The following CEP170 variants were observed in gnomAD, a reference collection of about 807,000 sequenced individuals.
CEP170 encodes the protein centrosomal protein of 170 kDa.
In CEP170, 21 loss-of-function variants were observed where a neutral mutation model predicts 151.9. The ratio of observed to expected loss-of-function variants is 0.14; its 90% CI spans 0.10 to 0.20. The LOEUF is 0.20. Ranked by LOEUF, CEP170 falls within the 10% of genes least tolerant of loss-of-function variation. CEP170 has a pLI of 1.00. For synonymous variants in CEP170, 356 were observed against 648.8 expected, an observed-to-expected ratio of 0.55 and a Z score of 6.86; for missense variants, 964 against 1,892.9, an observed-to-expected ratio of 0.51 and a Z score of 9.11.
At chr1:243,131,125 T>C (rs1011982323) in intron 17 of CEP170, among the ~76,000 whole-genome samples, 9 of 151,954 alleles carry the variant, frequency 5.9e-5, no homozygotes, top group Admixed American at 1.3e-4. Context: ...TCACCTTTGG[T>C]GAAAATGGGT....
chr1:243,139,422 T>G (rs572456700), intron 16 of CEP170, among the ~76,000 whole-genome samples: 4 of 152,254 alleles, frequency 2.6e-5, no homozygotes, highest in Admixed American at 6.5e-5. Context: ...TTTAATTGAT[T>G]GGAGGGAGTT....
At chr1:243,143,067 C>T (rs192132754) in intron 14 of CEP170, among the ~76,000 whole-genome samples, 25 of 152,170 alleles carry the variant, frequency 1.6e-4, no homozygotes, top group Non-Finnish European at 3.4e-4. Flanking sequence ...CCATAAATTA[C>T]TCTTACTTTC....
intron 4 of CEP170, among the ~76,000 whole-genome samples, chr1:243,202,811 G>T (rs2061144230): frequency 6.6e-6 from 1 of 151,932 alleles, no homozygotes; most frequent in Non-Finnish European, 1.5e-5. Flanking sequence ...ATGAAAAAAG[G>T]CATTAAAAAT....
chr1:243,206,556 T>A (rs2061433631), intron 4 of CEP170, among the ~76,000 whole-genome samples: 2 of 152,242 alleles, frequency 1.3e-5, no homozygotes, highest in South Asian at 4.1e-4. Context: ...AGAAACAAAC[T>A]GACATTATGT....
intron 1 of CEP170, among the ~76,000 whole-genome samples, chr1:243,233,150 A>C (rs1188994122): frequency 6.6e-6 from 1 of 152,160 alleles, no homozygotes; most frequent in African/African-American, 2.4e-5. Flanking sequence ...AATCTGAGAA[A>C]AGTTGAAAGC....
At chr1:243,196,766 T>C (rs756697970) in intron 7 of CEP170, among the ~76,000 whole-genome samples, 12 of 152,134 alleles carry the variant, frequency 7.9e-5, no homozygotes, top group Non-Finnish European at 1.6e-4. Flanking sequence ...GAATAAGACA[T>C]GTATAGTTTA....
chr1:243,144,211 A>T (rs1326059393), intron 14 of CEP170, among the ~76,000 whole-genome samples: 2 of 152,220 alleles, frequency 1.3e-5, no homozygotes, highest in African/African-American at 2.4e-5. Flanking sequence ...AGTACATTAT[A>T]AAGCAGCTTC....
intron 10 of CEP170, among the ~76,000 whole-genome samples, chr1:243,177,638 A>G (rs1487490317): frequency 6.6e-6 from 1 of 152,248 alleles, no homozygotes; most frequent in African/African-American, 2.4e-5. Flanking sequence ...ATTATGCAGA[A>G]TTCTAGCCAC....
At chr1:243,187,640 G>A (rs1354566298) in intron 8 of CEP170, among the ~76,000 whole-genome samples, 2 of 152,120 alleles carry the variant, frequency 1.3e-5, no homozygotes, top group African/African-American at 2.4e-5. Context: ...GATCAGACAC[G>A]AAAGACTTGG....
At chr1:243,223,101 T>A (rs1395730496) in intron 2 of CEP170, among the ~76,000 whole-genome samples, 1 of 152,230 alleles carries the variant, frequency 6.6e-6, no homozygotes, top group Non-Finnish European at 1.5e-5. Flanking sequence ...CAAAATAATT[T>A]CACCATATTG....
chr1:243,241,744 C>G (rs1438879247), intron 1 of CEP170, among the ~76,000 whole-genome samples: 1 of 147,878 alleles, frequency 6.8e-6, no homozygotes, highest in African/African-American at 2.5e-5. Context: ...GAGCCGAGAT[C>G]TCACCACTGC....
intron 13 of CEP170, among the ~76,000 whole-genome samples, chr1:243,160,714 T>C (rs922267647): frequency 1.1e-4 from 17 of 152,194 alleles, no homozygotes; most frequent in Admixed American, 5.2e-4. Flanking sequence ...CATTCAGCAA[T>C]AAGATCAGCT....
At chr1:243,156,540 T>G in intron 13 of CEP170, 85 bp from the exon 14 acceptor site, 2 of 1,312,198 alleles carry the variant, frequency 1.5e-6, no homozygotes, top group Non-Finnish European at 1.0e-6. Context: ...CAAAACACCA[T>G]GAGAGCGCAC....
At chr1:243,143,220 G>T (rs994751185) in intron 14 of CEP170, among the ~76,000 whole-genome samples, 2 of 151,960 alleles carry the variant, frequency 1.3e-5, no homozygotes, top group African/African-American at 4.8e-5. Context: ...GCACTCTTTC[G>T]TAGAGCACTT....
At chr1:243,130,225 T>C (rs1287325748) in intron 17 of CEP170, among the ~76,000 whole-genome samples, 2 of 152,170 alleles carry the variant, frequency 1.3e-5, no homozygotes, top group Admixed American at 1.3e-4. Flanking sequence ...TTGTGTCTGT[T>C]AAGACCTCTT....
At chr1:243,131,516 CAAAA>C (rs1281731789) in intron 17 of CEP170, among the ~76,000 whole-genome samples, 1 of 151,762 alleles carries the variant, frequency 6.6e-6, no homozygotes, top group Admixed American at 6.6e-5. Flanking sequence ...AACAAAAAAA[CAAAA>C]AACAATTTGT....
intron 17 of CEP170, among the ~76,000 whole-genome samples, chr1:243,134,622 C>G (rs12123491): frequency 0.1 from 15,266 of 151,562 alleles, 973 homozygotes; most frequent in Non-Finnish European, 0.13. Flanking sequence ...TTCAGCCTCT[C>G]AAATAACTGG....
chr1:243,162,598 A>T (rs2058152515), intron 13 of CEP170, among the ~76,000 whole-genome samples: 1 of 152,210 alleles, frequency 6.6e-6, no homozygotes, highest in South Asian at 2.1e-4. Context: ...AGCATCTTAC[A>T]GTTGTTTCTT....
intron 13 of CEP170, among the ~76,000 whole-genome samples, chr1:243,159,801 G>GTGTGTGTGTGTGTT (rs1170946413): frequency 4.6e-5 from 7 of 150,850 alleles, no homozygotes; most frequent in Admixed American, 1.3e-4. Flanking sequence ...GTGTGTGTGT[G>GTGTGTGTGTGTGTT]TTTTTGAGAT....
Sources: gnomAD v4.1 joint callset for allele counts (sites outside exome capture counted in the v4.1 genomes callset) on GRCh38, gnomAD v4.1.1 for gene constraint, MANE v1.5 for transcripts, NCBI Gene and HGNC (gene_info 2026-07-23, HGNC 2026-07-21) for gene names.